CAMKMT: variants seen among roughly 807,000 people sequenced by gnomAD.
CAMKMT encodes calmodulin-lysine N-methyltransferase.
Under a neutral mutation model 48.0 loss-of-function variants are expected in CAMKMT, and 53 were observed. The ratio of observed to expected loss-of-function variants is 1.10; its 90% CI spans 0.89 to 1.39. The LOEUF is 1.39. Ranked by LOEUF, CAMKMT falls within the 40% of genes most tolerant of loss-of-function variation. The pLI, the probability that CAMKMT is intolerant of heterozygous loss-of-function variation, is 0.00. For missense variants in CAMKMT, 428 were observed against 402.7 expected (o/e 1.06, Z -0.54); for synonymous variants, 165 against 152.3 (o/e 1.08, Z -0.61).
At chr2:44,556,364 C>T (rs1023805548) in intron 3 of CAMKMT, among the ~76,000 whole-genome samples, 2 of 151,718 alleles carry the variant, frequency 1.3e-5, no homozygotes, top group African/African-American at 4.8e-5. Flanking sequence ...TTCTTGAACT[C>T]CTGACCTCTG....
At chr2:44,442,830 G>T (rs1666754784) in intron 3 of CAMKMT, among the ~76,000 whole-genome samples, 2 of 152,182 alleles carry the variant, frequency 1.3e-5, no homozygotes, top group Admixed American at 1.3e-4. Flanking sequence ...CTGGAGCAGG[G>T]ATTGTTTTCA....
At chr2:44,600,703 A>G (rs930027675) in intron 3 of CAMKMT, among the ~76,000 whole-genome samples, 27 of 152,202 alleles carry the variant, frequency 1.8e-4, no homozygotes, top group African/African-American at 6.0e-4. Flanking sequence ...TGTGCACACA[A>G]ACTGTTCCTA....
At chr2:44,483,757 A>T (rs1469642127) in intron 3 of CAMKMT, among the ~76,000 whole-genome samples, 1 of 152,184 alleles carries the variant, frequency 6.6e-6, no homozygotes, top group African/African-American at 2.4e-5. Context: ...GGGCTTAATC[A>T]AAAAAGGAGT....
rs1371245906 is a variant in CAMKMT, at chr2:44,618,273, C to G, written c.377-86010C>G. ...TGACTTAACAGAAGTCAGAAGACAG[C>G]TGAAGCATAAGAGCTTGCACTGCCA... On this transcript the variant is annotated intron_variant, in intron 3 of 10. Transcript: ENST00000378494. This position sits in a 1 kb window ranked among gnomAD's most constrained non-coding sequence, Gnocchi z 4.0. Among the ~76,000 whole-genome samples, 5 of 152,164 alleles carry G rather than the reference C, an allele frequency of 3.3e-5. No individual in the cohort carries two copies. The highest frequency in any genetic ancestry group is 1.2e-4 in the African/African-American group (5 of 41,426).
At chr2:44,410,022 T>C (rs1683080200) in intron 3 of CAMKMT, among the ~76,000 whole-genome samples, 2 of 151,906 alleles carry the variant, frequency 1.3e-5, no homozygotes, top group Non-Finnish European at 1.5e-5. Flanking sequence ...TGTGGAAGTA[T>C]AGAGAAGAGC....
chr2:44,606,930 G>T (rs1026747918), intron 3 of CAMKMT, among the ~76,000 whole-genome samples: 2 of 151,706 alleles, frequency 1.3e-5, no homozygotes, highest in Non-Finnish European at 2.9e-5. Flanking sequence ...TGACCGTCTT[G>T]AACCTTTCAT....
chr2:44,632,777 G>T (rs1340914884), intron 3 of CAMKMT, among the ~76,000 whole-genome samples: 1 of 152,130 alleles, frequency 6.6e-6, no homozygotes, highest in Non-Finnish European at 1.5e-5. Flanking sequence ...ATATAAGGCA[G>T]GCAGAAAAAC....
intron 3 of CAMKMT, among the ~76,000 whole-genome samples, chr2:44,667,305 A>G (rs896278920): frequency 6.6e-6 from 1 of 152,008 alleles, no homozygotes; most frequent in South Asian, 2.1e-4. Context: ...TACCTCTATC[A>G]CCAGCAGATG....
intron 3 of CAMKMT, among the ~76,000 whole-genome samples, chr2:44,648,387 T>A (rs1175058070): frequency 6.6e-6 from 1 of 152,074 alleles, no homozygotes; most frequent in Admixed American, 6.6e-5. Context: ...TTTATTAAAT[T>A]TTCAAAAAAA....
At chr2:44,650,306 C>T (rs545591311) in intron 3 of CAMKMT, among the ~76,000 whole-genome samples, 2 of 152,288 alleles carry the variant, frequency 1.3e-5, no homozygotes, top group South Asian at 4.1e-4. Context: ...GGGTGTCTCT[C>T]TGTCTTCACG....
intron 3 of CAMKMT, among the ~76,000 whole-genome samples, chr2:44,470,621 T>A (rs2104649088): frequency 6.6e-6 from 1 of 152,334 alleles, no homozygotes; most frequent in East Asian, 1.9e-4. Context: ...TGTCTTTATT[T>A]AAGAAGCTGA....
chr2:44,531,276 C>G (rs1030092547), intron 3 of CAMKMT, among the ~76,000 whole-genome samples: 1 of 152,072 alleles, frequency 6.6e-6, no homozygotes, highest in Non-Finnish European at 1.5e-5. Flanking sequence ...ACCAGGGTCA[C>G]ATAGAGTTCA....
intron 3 of CAMKMT, among the ~76,000 whole-genome samples, chr2:44,643,663 G>A (rs1464043608): frequency 6.6e-6 from 1 of 152,076 alleles, no homozygotes; most frequent in African/African-American, 2.4e-5. Flanking sequence ...TGAAAAAATT[G>A]TAGAAATATT....
chr2:44,643,976 T>C (rs1269147598), intron 3 of CAMKMT, among the ~76,000 whole-genome samples: 1 of 152,220 alleles, frequency 6.6e-6, no homozygotes, highest in African/African-American at 2.4e-5. Context: ...GTTGCAGCAA[T>C]CCACTCATAT....
At chr2:44,636,545 A>G (rs1164261357) in intron 3 of CAMKMT, among the ~76,000 whole-genome samples, 2 of 152,220 alleles carry the variant, frequency 1.3e-5, no homozygotes, top group African/African-American at 4.8e-5. Flanking sequence ...TGAAAGAAAG[A>G]TGGTTTGCAA....
chr2:44,474,991 A>T (rs192096791), intron 3 of CAMKMT, among the ~76,000 whole-genome samples: 1 of 152,330 alleles, frequency 6.6e-6, no homozygotes, highest in African/African-American at 2.4e-5. Flanking sequence ...AGACATAGTG[A>T]TAGATGAAAC....
At chr2:44,421,515 G>A (rs1048914592) in intron 3 of CAMKMT, among the ~76,000 whole-genome samples, 9 of 151,910 alleles carry the variant, frequency 5.9e-5, no homozygotes, top group Admixed American at 2.6e-4. Context: ...AGATGACATC[G>A]CTACTCACAA....
chr2:44,536,614 C>A (rs1168611732), intron 3 of CAMKMT, among the ~76,000 whole-genome samples: 1 of 151,804 alleles, frequency 6.6e-6, no homozygotes, highest in Non-Finnish European at 1.5e-5. Flanking sequence ...AGGTGTGAGC[C>A]ACTACACCTG....
chr2:44,592,178 T>C (rs1226792826), intron 3 of CAMKMT, among the ~76,000 whole-genome samples: 1 of 151,882 alleles, frequency 6.6e-6, no homozygotes, highest in African/African-American at 2.4e-5. Flanking sequence ...CTAACCTGAA[T>C]ATTGTGCACA....
Sources: allele counts gnomAD v4.1 joint callset (sites outside exome capture counted in the v4.1 genomes callset), GRCh38; gene constraint gnomAD v4.1.1; non-coding constraint Gnocchi (gnomAD v3.1); transcripts MANE v1.5; gene names NCBI Gene and HGNC (gene_info 2026-07-23, HGNC 2026-07-21).